SLC10A7: variants seen among roughly 807,000 people sequenced by gnomAD.
SLC10A7 encodes the protein sodium/bile acid cotransporter 7.
Under a neutral mutation model 43.2 loss-of-function variants are expected in SLC10A7, and 29 were observed. The observed-to-expected ratio is 0.67, with a 90% CI of 0.50 to 0.92. The LOEUF (loss-of-function observed/expected upper bound fraction) is 0.92. SLC10A7 is among the 40% of genes least tolerant of loss of function. SLC10A7 has a pLI of 0.00. For missense variants in SLC10A7, 295 were observed against 403.2 expected (o/e 0.73, Z 2.30); for synonymous variants, 152 against 144.8 (o/e 1.05, Z -0.35).
intron 5 of SLC10A7, among the ~76,000 whole-genome samples, chr4:146,412,379 T>C (rs1045754773): frequency 1.3e-5 from 2 of 152,176 alleles, no homozygotes; most frequent in Non-Finnish European, 1.5e-5. Flanking sequence ...AATGAGTGCC[T>C]CTTTTGGGTG....
intron 7 of SLC10A7, among the ~76,000 whole-genome samples, chr4:146,303,819 G>A (rs536964990): frequency 6.0e-4 from 92 of 152,144 alleles, no homozygotes; most frequent in African/African-American, 2.2e-3. Context: ...GAAGTTTACA[G>A]GCATGCATAT....
Position 146,517,116 on chromosome 4 carries a change from T to C in SLC10A7, c.105A>G (p.Pro35=). The C allele has an allele frequency of 6.2e-7, 1 of 1,606,226 alleles. No homozygotes were observed. Residue 35 remains proline (P), a synonymous_variant, in exon 2 of 12, where the codon CCA becomes CCG. Coordinates refer to ENST00000335472, the MANE Select transcript of SLC10A7 (RefSeq NM_001029998.6). ...AGGATACAGTTATTTCTGGCTTCAG[T>C]GGTCCTAAAAAGAGAAAAAAGAGTT... is the stretch of plus-strand genomic sequence containing the variant. ...LEPSIGVNGG[P]LKPEITVSYI...
At chr4:146,391,161 T>C (rs915510439) in intron 5 of SLC10A7, among the ~76,000 whole-genome samples, 2 of 152,240 alleles carry the variant, frequency 1.3e-5, no homozygotes, top group African/African-American at 4.8e-5. Flanking sequence ...GTAGACCATA[T>C]AAACTCTTGC....
intron 10 of SLC10A7, among the ~76,000 whole-genome samples, chr4:146,269,401 G>GA (rs1219013547): frequency 5.9e-5 from 9 of 152,214 alleles, no homozygotes; most frequent in Admixed American, 3.9e-4. Context: ...GGTCTTCCAG[G>GA]AGGGGTCACC....
chr4:146,406,500 A>G (rs1309279436), intron 5 of SLC10A7, among the ~76,000 whole-genome samples: 5 of 152,170 alleles, frequency 3.3e-5, no homozygotes, highest in Non-Finnish European at 7.3e-5. Context: ...GGTACTTTGC[A>G]TGGGAAAGCC....
chr4:146,442,749 G>C (rs1285148962), intron 5 of SLC10A7, 34 bp downstream of exon 5: 1 of 1,598,884 alleles, frequency 6.3e-7, no homozygotes, highest in South Asian at 1.1e-5. Flanking sequence ...CACAGCAAAA[G>C]TTGTAATAGA....
chr4:146,287,558 G>T (rs1247859380), intron 9 of SLC10A7, among the ~76,000 whole-genome samples: 1 of 152,116 alleles, frequency 6.6e-6, no homozygotes, highest in Non-Finnish European at 1.5e-5. Context: ...TAATTCCAAG[G>T]CCTGGGAATC....
intron 5 of SLC10A7, among the ~76,000 whole-genome samples, chr4:146,416,987 G>T (rs1209010992): frequency 1.3e-5 from 2 of 152,020 alleles, no homozygotes; most frequent in East Asian, 3.9e-4. Flanking sequence ...TCAATAAAAT[G>T]CAACCCCTCT....
At chr4:146,397,433 T>C (rs146623319) in intron 5 of SLC10A7, among the ~76,000 whole-genome samples, 2 of 152,298 alleles carry the variant, frequency 1.3e-5, no homozygotes, top group Admixed American at 1.3e-4. Context: ...TCCCCAATAA[T>C]GTATATAATT....
At chr4:146,385,253 T>C (rs1450361750) in intron 5 of SLC10A7, among the ~76,000 whole-genome samples, 1 of 152,154 alleles carries the variant, frequency 6.6e-6, no homozygotes, top group African/African-American at 2.4e-5. Flanking sequence ...TGGCAGGTGC[T>C]TCACATGTCT....
chr4:146,521,641 T>A lies in SLC10A7; in HGVS notation c.77A>T (p.Glu26Val). The A allele has an allele frequency of 2.5e-6, 4 of 1,614,078 alleles. No homozygotes were observed. Among genetic ancestry groups the A allele is most frequent in the Non-Finnish European group, 3.4e-6 (4 of 1,179,990 alleles). Reference sequence around the variant, plus strand: ...ACCCCCATTCACCCCTATGGACGGCTCCAGTTTAGCTCCAGCGATCGCCAG... The same window carrying A: ...ACCCCCATTCACCCCTATGGACGGCACCAGTTTAGCTCCAGCGATCGCCAG... ...IVLAIAGAKLEPSIGVNGGPL... is the reference protein window; with the variant it reads ...IVLAIAGAKLVPSIGVNGGPL... Residue 26 changes from glutamate (E) to valine (V), a missense_variant, in exon 1 of 12, where the codon GAG (glutamate) becomes GTG (valine). Physicochemically the swap from Glu to Val is moderately radical, Grantham distance 121. Coordinates refer to ENST00000335472, the MANE Select transcript of SLC10A7 (RefSeq NM_001029998.6).
chr4:146,399,275 G>A (rs1024857372), intron 5 of SLC10A7, among the ~76,000 whole-genome samples: 2 of 152,166 alleles, frequency 1.3e-5, no homozygotes, highest in African/African-American at 2.4e-5. Flanking sequence ...TGTAGCATAA[G>A]GTGGAGCCAC....
chr4:146,281,399 A>G (rs1729543164), intron 10 of SLC10A7, among the ~76,000 whole-genome samples: 1 of 151,854 alleles, frequency 6.6e-6, no homozygotes, highest in African/African-American at 2.4e-5. Flanking sequence ...GTAAAATCAA[A>G]AAAAAAAAAG....
intron 11 of SLC10A7, among the ~76,000 whole-genome samples, chr4:146,257,647 T>C (rs1484521467): frequency 6.6e-6 from 1 of 152,202 alleles, no homozygotes; most frequent in South Asian, 2.1e-4. Context: ...ATAATAATTA[T>C]GGCAGCTAGC....
Position 146,358,073 on chromosome 4 carries a change from C to CAAAAAAA in SLC10A7, c.436-32084_436-32078dup, listed in dbSNP as rs57927989. On this transcript the variant is annotated intron_variant, in intron 5 of 11. Transcript: ENST00000335472. ...TGAAAAACCCACAGAAGCACCCCCA[C>CAAAAAAA]AAAAAAAAAAAAAGAGCTAGCTTTT... Among the ~76,000 whole-genome samples, 521 of 134,042 alleles carry CAAAAAAA rather than the reference C, an allele frequency of 3.9e-3. 3 individuals are homozygous for CAAAAAAA. Among genetic ancestry groups the CAAAAAAA allele is most frequent in the African/African-American group, 0.013 (491 of 36,898 alleles). The allele number at this position is 134,042 out of a possible 152,430, so 87.9% of individuals were successfully genotyped here.
chr4:146,467,339 C>T (rs1733117817), intron 4 of SLC10A7, among the ~76,000 whole-genome samples: 1 of 151,942 alleles, frequency 6.6e-6, no homozygotes, highest in Non-Finnish European at 1.5e-5. Flanking sequence ...ACTTTTGCTG[C>T]TATGCTTTAC....
intron 7 of SLC10A7, among the ~76,000 whole-genome samples, chr4:146,304,720 T>G (rs1005613543): frequency 1.1e-4 from 17 of 152,124 alleles, no homozygotes; most frequent in African/African-American, 4.8e-5. Flanking sequence ...AAAAAATGTA[T>G]ATTCTGTTGA....
At chr4:146,466,880 TGA>T (rs1733080168) in intron 4 of SLC10A7, among the ~76,000 whole-genome samples, 1 of 152,124 alleles carries the variant, frequency 6.6e-6, no homozygotes, top group Admixed American at 6.6e-5. Context: ...TCTGCAAAGG[TGA>T]GACCTTAGGA....
Position 146,519,288 on chromosome 4 carries a change from CATAATATATAATATG to C in SLC10A7, c.101-2183_101-2169del, listed in dbSNP as rs1015004415. On this transcript the variant is annotated intron_variant, in intron 1 of 11. Transcript: ENST00000335472. ...ATAACATATTATATACAATATATAA[CATAATATATAATATG>C]ATAATATATAATACATTATTTAACA... is the stretch of plus-strand genomic sequence containing the variant. Among the ~76,000 whole-genome samples, 6 of 138,936 alleles carry C rather than the reference CATAATATATAATATG, an allele frequency of 4.3e-5. No individual in the cohort carries two copies. In the South Asian group the frequency reaches 1.1e-3, roughly 26 times the overall value. 91.1% of individuals were successfully genotyped at this position (138,936 alleles called of 152,430 possible).
Sources: gnomAD v4.1 joint callset for allele counts (sites outside exome capture counted in the v4.1 genomes callset) on GRCh38, gnomAD v4.1.1 for gene constraint, MANE v1.5 for transcripts, NCBI Gene and HGNC (gene_info 2026-07-23, HGNC 2026-07-21) for gene names.